DGKB: variants seen among roughly 807,000 people sequenced by gnomAD.
DGKB encodes the protein diacylglycerol kinase beta.
Under a neutral mutation model 114.3 loss-of-function variants are expected in DGKB, and 67 were observed. The ratio of observed to expected loss-of-function variants is 0.59; its 90% CI spans 0.48 to 0.72. DGKB has a LOEUF of 0.72. Among genes scored for constraint, DGKB ranks in the 30% least tolerant of loss-of-function variants. DGKB has a pLI of 0.00. For synonymous variants in DGKB, 398 were observed against 323.1 expected (o/e 1.23, Z -2.49); for missense variants, 907 against 975.2 (o/e 0.93, Z 0.93).
chr7:14,435,234 C>G (rs1417856625), intron 21 of DGKB, among the ~76,000 whole-genome samples: 2 of 152,028 alleles, frequency 1.3e-5, no homozygotes, highest in African/African-American at 4.8e-5. Context: ...ATTTGTATCA[C>G]AAGGAAAGAC....
chr7:14,226,645 T>C (rs1030148699), intron 23 of DGKB, among the ~76,000 whole-genome samples: 2 of 152,030 alleles, frequency 1.3e-5, no homozygotes, highest in African/African-American at 4.8e-5. Context: ...TATCTTATGA[T>C]TCATACACAT....
chr7:14,811,340 C>T (rs565290076), intron 2 of DGKB, among the ~76,000 whole-genome samples: 1 of 152,044 alleles, frequency 6.6e-6, no homozygotes, highest in African/African-American at 2.4e-5. Flanking sequence ...CCTGAGTAGC[C>T]GGGACTACAG....
chr7:14,702,937 T>C (rs977956608), intron 6 of DGKB, among the ~76,000 whole-genome samples: 1 of 152,184 alleles, frequency 6.6e-6, no homozygotes, highest in Non-Finnish European at 1.5e-5. Flanking sequence ...ATGTTAAAGA[T>C]GTTAAAGTGT....
In DGKB at chr7:14,146,712, G is replaced by C. The variant is rs997096140; in HGVS notation, c.*2419C>G. ...TCAGTGTATTTAGAAAATGAGTTGA[G>C]AAAAGTCAAATTGGATTCCTATTTG... On this transcript the variant is annotated 3_prime_UTR_variant, in exon 26 of 26. Coordinates refer to ENST00000402815, the MANE Select transcript of DGKB (RefSeq NM_001350709.2). The C allele has an allele frequency of 2.0e-5, 3 of 152,082 alleles. No homozygotes were observed. Among genetic ancestry groups the C allele is most frequent in the African/African-American group, 7.2e-5 (3 of 41,436 alleles). The allele number at this position is 152,082 out of a possible 1,614,324, so 9.4% of individuals were successfully genotyped here.
At chr7:14,689,196 CTTA>C (rs1822285115) in intron 9 of DGKB, among the ~76,000 whole-genome samples, 3 of 80,302 alleles carry the variant, frequency 3.7e-5, no homozygotes, top group African/African-American at 9.9e-5. Flanking sequence ...AGAAACTCCT[CTTA>C]TTTTTTTTTT....
In DGKB at chr7:14,644,019, C is replaced by A. The variant is rs570216848; in HGVS notation, c.1135-13751G>T. On this transcript the variant is annotated intron_variant, in intron 13 of 25. Coordinates refer to ENST00000402815, the MANE Select transcript of DGKB (RefSeq NM_001350709.2). ...CCCCAGGATCCTGAAGACTGGCCTA[C>A]CTGGGCTCTCCCAAAGAAAGTTATG... Among the ~76,000 whole-genome samples, 6 of 152,222 alleles carry A rather than the reference C, an allele frequency of 3.9e-5. No homozygotes were observed. In the East Asian group the frequency reaches 9.7e-4, roughly 25 times the overall value.
intron 1 of DGKB, among the ~76,000 whole-genome samples, chr7:14,926,499 TG>T (rs1315806435): frequency 6.6e-6 from 1 of 151,186 alleles, no homozygotes; most frequent in African/African-American, 2.4e-5. Context: ...TAGTGTTTTT[TG>T]TTTTTTTTTT....
intron 13 of DGKB, among the ~76,000 whole-genome samples, chr7:14,670,553 C>A (rs1313606063): frequency 6.6e-6 from 1 of 152,032 alleles, no homozygotes; most frequent in Non-Finnish European, 1.5e-5. Context: ...GATCCACCCA[C>A]CTCGACCCCC....
chr7:14,815,721 C>G (rs1395920583), intron 2 of DGKB, among the ~76,000 whole-genome samples: 1 of 152,088 alleles, frequency 6.6e-6, no homozygotes, highest in African/African-American at 2.4e-5. Flanking sequence ...ACCCACCAAG[C>G]GGGTTCAGAA....
intron 20 of DGKB, 36 bp from the exon 21 acceptor site, chr7:14,478,261 T>C: frequency 1.6e-6 from 2 of 1,248,980 alleles, no homozygotes; most frequent in Non-Finnish European, 1.1e-6. Flanking sequence ...AACAGGATGG[T>C]TTATGATCCT....
chr7:14,343,469 G>A (rs772840711), intron 22 of DGKB, among the ~76,000 whole-genome samples: 26 of 151,586 alleles, frequency 1.7e-4, no homozygotes, highest in East Asian at 1.2e-3. Context: ...ACAAATCACC[G>A]TTTTCAAATA....
At chr7:14,672,418 T>G (rs1365255463) in intron 13 of DGKB, among the ~76,000 whole-genome samples, 1 of 152,112 alleles carries the variant, frequency 6.6e-6, no homozygotes, top group Non-Finnish European at 1.5e-5. Context: ...AATTAAGTAA[T>G]TATTTTGCAG....
chr7:14,535,806 C>T (rs772720159), intron 20 of DGKB, among the ~76,000 whole-genome samples: 12 of 151,958 alleles, frequency 7.9e-5, no homozygotes, highest in African/African-American at 7.2e-5. Flanking sequence ...AGGATGGTCT[C>T]GAACTCTTGC....
At chr7:14,155,821 G>A (rs540396502) in intron 25 of DGKB, among the ~76,000 whole-genome samples, 16 of 152,216 alleles carry the variant, frequency 1.1e-4, no homozygotes, top group African/African-American at 3.6e-4. Flanking sequence ...TGAAAACCAG[G>A]AAGTTGGTGA....
chr7:14,819,289 A>G (rs1157542920), intron 2 of DGKB, among the ~76,000 whole-genome samples: 1 of 152,172 alleles, frequency 6.6e-6, no homozygotes, highest in East Asian at 1.9e-4. Context: ...AATAGTGAGT[A>G]ATGATAATAA....
intron 1 of DGKB, among the ~76,000 whole-genome samples, chr7:14,963,011 T>C (rs1245085720): frequency 6.6e-6 from 1 of 152,098 alleles, no homozygotes. Context: ...CTCATATTTG[T>C]TTCCCTTGCC....
chr7:14,547,968 CT>C (rs1360484279), intron 20 of DGKB, among the ~76,000 whole-genome samples: 2 of 152,124 alleles, frequency 1.3e-5, no homozygotes, highest in Admixed American at 1.3e-4. Context: ...CATTACACAG[CT>C]TTTTACTATT....
intron 9 of DGKB, among the ~76,000 whole-genome samples, chr7:14,689,233 T>A: frequency 7.2e-6 from 1 of 138,978 alleles, no homozygotes; most frequent in East Asian, 2.1e-4. Context: ...TTGAGAGGAG[T>A]CTCGCTCTGT....
At chr7:14,882,612 T>C (rs779801802) in intron 1 of DGKB, among the ~76,000 whole-genome samples, 2 of 151,906 alleles carry the variant, frequency 1.3e-5, no homozygotes, top group Non-Finnish European at 2.9e-5. Flanking sequence ...CCCTTCTGAG[T>C]CTCTATTGTC....
Sources: allele counts gnomAD v4.1 joint callset (sites outside exome capture counted in the v4.1 genomes callset), GRCh38; gene constraint gnomAD v4.1.1; transcripts MANE v1.5; gene names NCBI Gene and HGNC (gene_info 2026-07-23, HGNC 2026-07-21).